The following LRIF1 variants were observed in gnomAD, a reference collection of about 807,000 sequenced individuals.
The protein encoded by LRIF1 is ligand dependent nuclear receptor interacting factor 1, also known as ligand-dependent nuclear receptor-interacting factor 1.
Under a neutral mutation model 52.7 loss-of-function variants are expected in LRIF1, and 32 were observed. That is an observed-to-expected ratio of 0.61 (90% CI 0.46 to 0.82). LRIF1 has a LOEUF of 0.82. Among genes scored for constraint, LRIF1 ranks in the 40% least tolerant of loss-of-function variants. The pLI, the probability that LRIF1 is intolerant of heterozygous loss-of-function variation, is 0.00. For synonymous variants in LRIF1, 323 were observed against 317.4 expected (o/e 1.02, Z -0.19); for missense variants, 887 against 892.0 (o/e 0.99, Z 0.07).
chr1:110,897,526 G>A, the LRIF1 span: 3 of 273,138 alleles, frequency 1.1e-5, no homozygotes, highest in Non-Finnish European at 2.1e-5. Flanking sequence ...GTAGGACGTC[G>A]GTTGCTGACC....
At chr1:110,961,672 CAT>C (rs1485217416) in intron 1 of LRIF1, among the ~76,000 whole-genome samples, 3 of 152,006 alleles carry the variant, frequency 2.0e-5, no homozygotes, top group African/African-American at 7.2e-5. Flanking sequence ...ATAAGAAAAT[CAT>C]AGTCATTTAA....
chr1:110,877,858 A>G, the LRIF1 span, among the ~76,000 whole-genome samples: 1 of 152,196 alleles, frequency 6.6e-6, no homozygotes, highest in Non-Finnish European at 1.5e-5. Flanking sequence ...TTACTCTTCA[A>G]AAGGACGTAC....
At chr1:110,886,740 C>T in the LRIF1 span, among the ~76,000 whole-genome samples, 1 of 151,186 alleles carries the variant, frequency 6.6e-6, no homozygotes, top group South Asian at 2.1e-4. Context: ...CCCAGCTACT[C>T]GGGAGGCTGA....
At chr1:110,877,494 C>A in the LRIF1 span, among the ~76,000 whole-genome samples, 12 of 152,150 alleles carry the variant, frequency 7.9e-5, 1 homozygote, top group Non-Finnish European at 4.4e-5. Context: ...TCCTGATTTA[C>A]GAAGTAAGCT....
At chr1:110,915,823 A>T in the LRIF1 span, among the ~76,000 whole-genome samples, 31 of 152,338 alleles carry the variant, frequency 2.0e-4, no homozygotes, top group South Asian at 8.3e-4. Flanking sequence ...TAAAAAATTT[A>T]AAAAATAATA....
At chr1:110,875,296 A>G in the LRIF1 span, among the ~76,000 whole-genome samples, 1 of 152,178 alleles carries the variant, frequency 6.6e-6, no homozygotes, top group African/African-American at 2.4e-5. Context: ...TTGGCACCAG[A>G]AAGTGGAGGG....
the LRIF1 span, among the ~76,000 whole-genome samples, chr1:110,931,970 A>C: frequency 6.6e-6 from 1 of 152,190 alleles, no homozygotes; most frequent in Non-Finnish European, 1.5e-5. Flanking sequence ...TTTGCTGTGC[A>C]GAAGCTCTTT....
chr1:110,921,560 C>T, the LRIF1 span, among the ~76,000 whole-genome samples: 3 of 151,890 alleles, frequency 2.0e-5, no homozygotes, highest in Non-Finnish European at 4.4e-5. Flanking sequence ...AGGAAAATAA[C>T]ATTATTATAA....
chr1:110,951,948 A>G lies in LRIF1; in HGVS notation c.936T>C (p.Asn312=), dbSNP rs1201345612. Residue 312 remains asparagine, a synonymous_variant, in exon 2 of 4, where the codon AAT becomes AAC. Transcript: ENST00000369763. ...AAGTTTTTAAAATCTTTGAAGCCACATTATTTGAAGACTTAACAGGAACAA... is the reference window on the plus strand; with the variant it reads ...AAGTTTTTAAAATCTTTGAAGCCACGTTATTTGAAGACTTAACAGGAACAA... The part of the protein sequence containing the change: ...PSLVPVKSSN[N]VASKILKTFV... 6.2e-7 allele frequency: 1 copy of G among 1,614,008 alleles called. No individual in the cohort carries two copies. Among genetic ancestry groups the G allele is most frequent in the Non-Finnish European group, 8.5e-7 (1 of 1,179,986 alleles).
chr1:110,919,523 C>G, the LRIF1 span, among the ~76,000 whole-genome samples: 1 of 152,114 alleles, frequency 6.6e-6, no homozygotes, highest in South Asian at 2.1e-4. Flanking sequence ...TTATTAAACT[C>G]CCCTTTATAT....
chr1:110,925,819 A>G, the LRIF1 span, among the ~76,000 whole-genome samples: 1 of 152,180 alleles, frequency 6.6e-6, no homozygotes, highest in Admixed American at 6.5e-5. Flanking sequence ...AGAGTTTAGC[A>G]AGGTTATTGG....
the LRIF1 span, among the ~76,000 whole-genome samples, chr1:110,916,025 T>C: frequency 2.0e-5 from 3 of 152,120 alleles, no homozygotes; most frequent in African/African-American, 7.2e-5. Flanking sequence ...TCTTTTAGCA[T>C]GTATGTGAAA....
At chr1:110,902,517 A>AAAAAAAAAAAAAAAAAAAG in the LRIF1 span, among the ~76,000 whole-genome samples, 12 of 104,678 alleles carry the variant, frequency 1.1e-4, no homozygotes, top group Non-Finnish European at 2.1e-4. Flanking sequence ...AAAAAAAAAA[A>AAAAAAAAAAAAAAAAAAAG]AAAGAAATAC....
the LRIF1 span, among the ~76,000 whole-genome samples, chr1:110,886,869 A>ATTTTTTTT: frequency 4.8e-5 from 4 of 82,798 alleles, no homozygotes; most frequent in South Asian, 4.2e-4. Flanking sequence ...ATATATATAT[A>ATTTTTTTT]TTTTTTTTTT....
chr1:110,904,637 T>C, the LRIF1 span, among the ~76,000 whole-genome samples: 376 of 152,262 alleles, frequency 2.5e-3, no homozygotes, highest in Non-Finnish European at 4.2e-3. Context: ...TCAAGTCCTT[T>C]TGAATATCTG....
chr1:110,952,783 G>T lies in LRIF1; in HGVS notation c.101C>A (p.Thr34Lys), dbSNP rs772163079. The change falls in exon 2 of 4, where the codon ACG becomes AAG. Residue 34 changes from threonine (T) to lysine (K), a missense_variant. Transcript: ENST00000369763. ...VSGCMYQVVQ[T>K]IGSDGKNLLQ... ...AAGATTTTTTCCATCCGAGCCAATC[G>T]TCTGAACTACTTGGTACATGCAGCC... 32 of 1,610,690 alleles carry T rather than the reference G, an allele frequency of 2.0e-5. No homozygotes were observed. Among genetic ancestry groups the T allele is most frequent in the Non-Finnish European group, 2.6e-5 (31 of 1,177,902 alleles).
At chr1:110,900,305 T>C in the LRIF1 span, among the ~76,000 whole-genome samples, 2 of 152,166 alleles carry the variant, frequency 1.3e-5, no homozygotes, top group Non-Finnish European at 2.9e-5. Flanking sequence ...TTCCCCCCAT[T>C]TAAAGACATC....
Position 110,951,493 on chromosome 1 carries a change from T to C in LRIF1, c.1391A>G (p.Asn464Ser), listed in dbSNP as rs1290702382. 1.9e-6 allele frequency: 3 copies of C among 1,614,038 alleles called. No individual in the cohort carries two copies. Among genetic ancestry groups the C allele is most frequent in the Non-Finnish European group, 2.5e-6 (3 of 1,180,012 alleles). ...TTNPHMNQSS[N>S]YLKQSKTLFT... The stretch of plus-strand genomic sequence containing the variant: ...TAAAGTCTTACTCTGTTTTAAGTAG[T>C]TACTGGATTGGTTCATATGTGGATT... The change falls in exon 2 of 4, where the codon AAC becomes AGC. Residue 464 changes from asparagine to serine, a missense_variant. By Grantham distance (46) the Asn-to-Ser change is conservative. Transcript: ENST00000369763.
At chr1:110,875,318 A>G in the LRIF1 span, among the ~76,000 whole-genome samples, 1 of 152,168 alleles carries the variant, frequency 6.6e-6, no homozygotes, top group Non-Finnish European at 1.5e-5. Flanking sequence ...AAGATCGCTC[A>G]CCAGGCAGGT....
Sources: allele counts gnomAD v4.1 joint callset (sites outside exome capture counted in the v4.1 genomes callset), GRCh38; gene constraint gnomAD v4.1.1; transcripts MANE v1.5; gene names NCBI Gene and HGNC (gene_info 2026-07-23, HGNC 2026-07-21).